The following TOLLIP variants were observed in gnomAD, a reference collection of about 807,000 sequenced individuals.
TOLLIP encodes toll interacting protein, also known as toll-interacting protein.
Under a neutral mutation model 33.5 loss-of-function variants are expected in TOLLIP, and 16 were observed. That is an observed-to-expected ratio of 0.48 (90% CI 0.32 to 0.72). The LOEUF (loss-of-function observed/expected upper bound fraction) is 0.72, where lower values mean the gene tolerates loss of function less well. Among genes scored for constraint, TOLLIP ranks in the 30% least tolerant of loss-of-function variants. The pLI, the probability that TOLLIP is intolerant of heterozygous loss-of-function variation, is 0.03. For missense variants in TOLLIP, 325 were observed against 396.6 expected (o/e 0.82, Z 1.53); for synonymous variants, 176 against 163.7 (o/e 1.07, Z -0.57).
In TOLLIP at chr11:1,277,494, A is replaced by G. The variant is rs866437277; in HGVS notation, c.611-241T>C. On this transcript the variant is annotated intron_variant, in intron 5 of 5. Transcript: ENST00000317204. The surrounding 1 kb of genome is among the most constrained non-coding windows in gnomAD (Gnocchi z 4.2). ...TCTGTGACGCCTCCTTCACTAACTC[A>G]TCTTCCTTCCATATAAAAATCAAAG... Among the ~76,000 whole-genome samples the G allele has an allele frequency of 5.3e-5, 8 of 152,106 alleles. No homozygotes were observed. The highest frequency in any genetic ancestry group is 1.9e-4 in the African/African-American group (8 of 41,418).
At chr11:1,288,291 A>G (rs980387890) in intron 4 of TOLLIP, among the ~76,000 whole-genome samples, 1 of 152,140 alleles carries the variant, frequency 6.6e-6, no homozygotes, top group African/African-American at 2.4e-5. Flanking sequence ...GCTGGACCCT[A>G]AGGGCAGAGC....
chr11:1,276,747 G>C lies in TOLLIP; in HGVS notation c.*292C>G. The C allele has an allele frequency of 1.4e-6, 2 of 1,477,830 alleles. No homozygotes were observed. The highest frequency in any genetic ancestry group is 1.8e-6 in the Non-Finnish European group (2 of 1,109,324). 91.5% of individuals were successfully genotyped at this position (1,477,830 alleles called of 1,614,324 possible). Reference sequence around the variant, plus strand: ...CAGAAGCAGCTGCTCTCTACAGCAAGAGCATTTTCCAGAACGGCATGAGAA... The same window carrying C: ...CAGAAGCAGCTGCTCTCTACAGCAACAGCATTTTCCAGAACGGCATGAGAA... On this transcript the variant is annotated 3_prime_UTR_variant, in exon 6 of 6. Transcript: ENST00000317204.
intron 1 of TOLLIP, among the ~76,000 whole-genome samples, chr11:1,301,277 G>A (rs368698979): frequency 1.3e-4 from 20 of 152,328 alleles, no homozygotes; most frequent in African/African-American, 4.1e-4. Context: ...CATCATTAGC[G>A]ATGGGCTAAA....
At chr11:1,287,409 G>GCCTCCCCGCCGCAC (rs1564969382) in intron 4 of TOLLIP, among the ~76,000 whole-genome samples, 14 of 111,044 alleles carry the variant, frequency 1.3e-4, no homozygotes, top group Middle Eastern at 5.3e-3. Context: ...CCCCGCCGCA[G>GCCTCCCCGCCGCAC]CCTCCCCGCC....
intron 1 of TOLLIP, among the ~76,000 whole-genome samples, chr11:1,297,972 A>C (rs1864160098): frequency 6.6e-6 from 1 of 152,216 alleles, no homozygotes; most frequent in East Asian, 1.9e-4. Flanking sequence ...TTCACAGCCC[A>C]GAGCTCTCTC....
chr11:1,284,523 GTAT>G (rs769175597), intron 5 of TOLLIP, among the ~76,000 whole-genome samples: 1 of 152,140 alleles, frequency 6.6e-6, no homozygotes, highest in Non-Finnish European at 1.5e-5. Flanking sequence ...TAATTTGTTT[GTAT>G]TTTTAGTAGA....
In TOLLIP at chr11:1,290,426, G is replaced by C; in HGVS notation, c.184-17C>G. The C allele has an allele frequency of 6.2e-7, 1 of 1,608,222 alleles. No homozygotes were observed. The highest frequency in any genetic ancestry group is 8.5e-7 in the Non-Finnish European group (1 of 1,175,676). On this transcript the variant is annotated splice_polypyrimidine_tract_variant and intron_variant, in intron 2 of 5. Transcript: ENST00000317204. The surrounding 1 kb of genome is among the most constrained non-coding windows in gnomAD (Gnocchi z 4.9). ...CAACTTTGCCTGGAATGAAGCCAAT[G>C]TCAGGAAAAGGAGGTGCCAACCATC...
rs765163732 is a variant in TOLLIP, at chr11:1,295,711, C to T, written c.117G>A (p.Ala39=). The change falls in exon 2 of 6, where the codon GCG becomes GCA. Residue 39 remains alanine (A), a synonymous_variant. Transcript: ENST00000317204. ...QQRQVQLDAQ[A]AQQLQYGGAV... ...CGCCTCCGTACTGCAGCTGCTGGGCCGCCTGGGCGTCCAGCTGGACCTGCC... is the reference window on the plus strand; with the variant it reads ...CGCCTCCGTACTGCAGCTGCTGGGCTGCCTGGGCGTCCAGCTGGACCTGCC... 43 of 1,611,302 alleles carry T rather than the reference C, an allele frequency of 2.7e-5. No homozygotes were observed. Among genetic ancestry groups the T allele is most frequent in the South Asian group, 2.0e-4 (18 of 91,000 alleles).
rs142911670 is a variant in TOLLIP, at chr11:1,300,393, T to A, written c.34-4599A>T. On this transcript the variant is annotated intron_variant, in intron 1 of 5. Coordinates refer to ENST00000317204, the MANE Select transcript of TOLLIP (RefSeq NM_019009.4). ...ACCTTTCCACACGAAAGAAAAGAGG[T>A]CTCCAACATTCACTTCTATTTAAAA... 1.7e-4 allele frequency among the ~76,000 whole-genome samples: 26 copies of A among 152,230 alleles called. No homozygotes were observed. In the East Asian group the frequency reaches 4.8e-3, roughly 28 times the overall value.
chr11:1,284,587 G>A (rs968754908), intron 5 of TOLLIP, among the ~76,000 whole-genome samples: 2 of 152,136 alleles, frequency 1.3e-5, no homozygotes, highest in African/African-American at 4.8e-5. Context: ...CTGACCTCAC[G>A]ATCTGCCCGC....
At chr11:1,291,782 G>A (rs555741554) in intron 2 of TOLLIP, 3 of 131,496 alleles carry the variant, frequency 2.3e-5, no homozygotes, top group Admixed American at 1.5e-4. Context: ...CGTCCTCACC[G>A]ACCCACCTCT....
intron 5 of TOLLIP, among the ~76,000 whole-genome samples, chr11:1,280,942 C>T (rs564992906): frequency 5.9e-5 from 9 of 152,198 alleles, no homozygotes; most frequent in Admixed American, 1.3e-4. Flanking sequence ...CTCTCACGCA[C>T]GAAGAACGCA....
In TOLLIP at chr11:1,303,967, A is replaced by G. The variant is rs1864355443; in HGVS notation, c.33+5499T>C. ...AGGAAAATCGCTTGAACCTGGGAGG[A>G]AGAGGTTGCAGTGAGTTGAGATTGT... On this transcript the variant is annotated intron_variant, in intron 1 of 5. Coordinates refer to ENST00000317204, the MANE Select transcript of TOLLIP (RefSeq NM_019009.4). The surrounding 1 kb of genome is among the most constrained non-coding windows in gnomAD (Gnocchi z 4.2). Among the ~76,000 whole-genome samples, 1 of 151,314 alleles carries G rather than the reference A, an allele frequency of 6.6e-6. No homozygotes were observed. Among genetic ancestry groups the G allele is most frequent in the Non-Finnish European group, 1.5e-5 (1 of 67,818 alleles).
At chr11:1,300,548 A>C (rs1315543136) in intron 1 of TOLLIP, among the ~76,000 whole-genome samples, 1 of 152,198 alleles carries the variant, frequency 6.6e-6, no homozygotes. Context: ...TTAAACACCC[A>C]CTGTGAATAT....
At chr11:1,288,468 C>G (rs558310834) in intron 4 of TOLLIP, among the ~76,000 whole-genome samples, 156 bp downstream of exon 4, 6 of 152,236 alleles carry the variant, frequency 3.9e-5, no homozygotes, top group Non-Finnish European at 8.8e-5. Flanking sequence ...ACCAAACCAC[C>G]CAGGGCCCCT....
chr11:1,297,734 C>G (rs961499200), intron 1 of TOLLIP, among the ~76,000 whole-genome samples: 6 of 152,236 alleles, frequency 3.9e-5, no homozygotes. Context: ...TACGGACAAT[C>G]GAGGAGGGTG....
Position 1,286,028 on chromosome 11 carries a change from T to C in TOLLIP, c.584A>G (p.Gln195Arg). ...TGTGATGGGCACATAGCCAACGCCC[T>C]GCTGGTACACTGTTGGCATCAGGAC... ...PVVLMPTVYQ[Q>R]GVGYVPITGM... Residue 195 changes from glutamine to arginine, a missense_variant, in exon 5 of 6, where the codon CAG (glutamine) becomes CGG (arginine). Physicochemically the swap from Gln to Arg is conservative, Grantham distance 43 (BLOSUM62 1). Coordinates refer to ENST00000317204, the MANE Select transcript of TOLLIP (RefSeq NM_019009.4). 6.3e-7 allele frequency: 1 copy of C among 1,598,312 alleles called. No individual in the cohort carries two copies. The highest frequency in any genetic ancestry group is 8.5e-7 in the Non-Finnish European group (1 of 1,173,736).
chr11:1,296,558 G>T (rs1326765794), intron 1 of TOLLIP, among the ~76,000 whole-genome samples: 2 of 149,584 alleles, frequency 1.3e-5, no homozygotes, highest in Non-Finnish European at 3.0e-5. Context: ...TGGGGTGGAG[G>T]CCTGGTTGCT....
chr11:1,296,303 C>G (rs1404958725), intron 1 of TOLLIP, among the ~76,000 whole-genome samples: 1 of 152,220 alleles, frequency 6.6e-6, no homozygotes, highest in African/African-American at 2.4e-5. Flanking sequence ...CCCAGAAGAA[C>G]GCAGGAAGTA....
Sources: allele counts gnomAD v4.1 joint callset (sites outside exome capture counted in the v4.1 genomes callset), GRCh38; gene constraint gnomAD v4.1.1; non-coding constraint Gnocchi (gnomAD v3.1); transcripts MANE v1.5; gene names NCBI Gene and HGNC (gene_info 2026-07-23, HGNC 2026-07-21).